The following EIF3D variants were observed in gnomAD, a reference collection of about 807,000 sequenced individuals.
EIF3D encodes the protein eIF3 p66.
Under a neutral mutation model 75.4 loss-of-function variants are expected in EIF3D, and 10 were observed. The ratio of observed to expected loss-of-function variants is 0.13; its 90% CI spans 0.08 to 0.22. The LOEUF is 0.22. EIF3D is among the 10% of genes least tolerant of loss of function. EIF3D has a pLI of 1.00. For missense variants in EIF3D, 394 were observed against 708.0 expected (o/e 0.56, Z 5.03); for synonymous variants, 246 against 248.3 (o/e 0.99, Z 0.09).
chr22:36,524,021 A>G (rs370073245), intron 4 of EIF3D, 41 bp from the exon 5 acceptor site: 2 of 1,605,928 alleles, frequency 1.2e-6, no homozygotes, highest in Non-Finnish European at 1.7e-6. Flanking sequence ...AATCTTGGAG[A>G]TTTGGCTCAC....
At position 36,524,871 on chromosome 22, in the gene EIF3D, C is replaced by T. The variant is rs533570072; in HGVS notation, c.170-139G>A. 1.0e-3 allele frequency: 1,040 copies of T among 1,020,786 alleles called. 10 individuals are homozygous for T. The South Asian group carries it at 0.011, about 11-fold the overall frequency. 63.2% of individuals were successfully genotyped at this position (1,020,786 alleles called of 1,614,324 possible). ...AAAGCTTGTTAGACACACAGACTCA[C>T]AGTCCCACCCCATACCCACTGAATC... On this transcript the variant is annotated intron_variant, in intron 3 of 14. Transcript: ENST00000216190.
intron 12 of EIF3D, 117 bp from the exon 13 acceptor site, chr22:36,512,719 G>C: frequency 1.7e-6 from 2 of 1,172,210 alleles, no homozygotes; most frequent in Non-Finnish European, 2.4e-6. Flanking sequence ...GGGTAGGTAC[G>C]CACTAAATCT....
At chr22:36,527,946 A>G (rs1281258472) in intron 1 of EIF3D, among the ~76,000 whole-genome samples, 2 of 152,274 alleles carry the variant, frequency 1.3e-5, no homozygotes, top group African/African-American at 4.8e-5. Context: ...GGTGACAGCA[A>G]CACAGGATGA....
chr22:36,518,342 A>G (rs1232632639), intron 9 of EIF3D, among the ~76,000 whole-genome samples: 1 of 151,454 alleles, frequency 6.6e-6, no homozygotes, highest in Non-Finnish European at 1.5e-5. Context: ...TATAGAAAGT[A>G]GCCAGGCGTA....
rs773353912 is a variant in EIF3D, at chr22:36,516,523, T to C, written c.1161A>G (p.Glu387=). 2 of 1,614,216 alleles carry C rather than the reference T, an allele frequency of 1.2e-6. No individual in the cohort carries two copies. The highest frequency in any genetic ancestry group is 1.7e-6 in the Non-Finnish European group (2 of 1,180,024). ...GTGTCTTGATGTTGATGAAGGACAC[T>C]TCCCCGTTGGCTCCAGTCATGACGC... ...HDGVMTGANG[E]VSFINIKTLN... Residue 387 remains glutamate (E), a synonymous_variant, in exon 12 of 15, where the codon GAA becomes GAG. Coordinates refer to ENST00000216190, the MANE Select transcript of EIF3D (RefSeq NM_003753.4).
At chr22:36,525,238 A>AATTTTTT (rs1569001775) in intron 3 of EIF3D, among the ~76,000 whole-genome samples, 3 of 117,608 alleles carry the variant, frequency 2.6e-5, no homozygotes, top group African/African-American at 3.2e-5. Context: ...CAGGGGTTTT[A>AATTTTTT]CTTTTTTTTT....
In EIF3D at chr22:36,511,641, T is replaced by G; in HGVS notation, c.1495A>C (p.Met499Leu). ...AGGTATTTGCCCTCCTCCAGCTTCATGCAGATGTCAATGACGCAGCGTAAA... is the reference window on the plus strand; with the variant it reads ...AGGTATTTGCCCTCCTCCAGCTTCAGGCAGATGTCAATGACGCAGCGTAAA... ...GILRCVIDICMKLEEGKYLIL... is the reference protein window; with the variant it reads ...GILRCVIDICLKLEEGKYLIL... The change falls in exon 14 of 15, where the codon ATG (methionine) becomes CTG (leucine). Residue 499 changes from methionine to leucine, a missense_variant. Transcript: ENST00000216190. The G allele has an allele frequency of 6.2e-7, 1 of 1,614,164 alleles. No individual in the cohort carries two copies. Among genetic ancestry groups the G allele is most frequent in the African/African-American group, 1.3e-5 (1 of 75,044 alleles).
intron 12 of EIF3D, 28 bp from the exon 13 acceptor site, chr22:36,512,630 G>T: frequency 6.3e-7 from 1 of 1,598,880 alleles, no homozygotes; most frequent in Non-Finnish European, 8.6e-7. Flanking sequence ...TAGAGAAACA[G>T]AAGCAAGCTC....
chr22:36,511,019 G>GT lies in EIF3D; in HGVS notation c.1634-20dup. 1 of 1,606,618 alleles carries GT rather than the reference G, an allele frequency of 6.2e-7. No individual in the cohort carries two copies. ...TCTTCCTCTGAAAGACACAAAAAAT[G>GT]TAAGAGAAATGAGCCAGGTTGTGTG... is the stretch of plus-strand genomic sequence containing the variant. On this transcript the variant is annotated intron_variant, in intron 14 of 14. Coordinates refer to ENST00000216190, the MANE Select transcript of EIF3D (RefSeq NM_003753.4).
At position 36,511,914 on chromosome 22, in the gene EIF3D, G is replaced by T. The variant is rs1053746228; in HGVS notation, c.1350-128C>A. 6.2e-6 allele frequency: 8 copies of T among 1,294,308 alleles called. No homozygotes were observed. The South Asian group carries it at 9.4e-5, about 15-fold the overall frequency. The allele number at this position is 1,294,308 out of a possible 1,614,324, so 80.2% of individuals were successfully genotyped here. ...TTTTTCTTTTTTTTTTTTTTGAGACGGAGTCTGGCTCTGTTGCCCAGGCTG... is the reference window on the plus strand; with the variant it reads ...TTTTTCTTTTTTTTTTTTTTGAGACTGAGTCTGGCTCTGTTGCCCAGGCTG... On this transcript the variant is annotated intron_variant, in intron 13 of 14. Transcript: ENST00000216190.
Position 36,511,209 on chromosome 22 carries a change from G to A in EIF3D, c.1634-209C>T, listed in dbSNP as rs369207881. On this transcript the variant is annotated intron_variant, in intron 14 of 14. Coordinates refer to ENST00000216190, the MANE Select transcript of EIF3D (RefSeq NM_003753.4). Reference sequence around the variant, plus strand: ...AGACAACTTTCAGGCTATTTAACCCGGAGCGGAGCTTTTCCCTCTAGACCA... The same window carrying A: ...AGACAACTTTCAGGCTATTTAACCCAGAGCGGAGCTTTTCCCTCTAGACCA... 1.1e-3 allele frequency: 924 copies of A among 807,844 alleles called. 12 individuals are homozygous for A. The South Asian group carries it at 0.016, about 14-fold the overall frequency. The allele number at this position is 807,844 out of a possible 1,614,324, so 50.0% of individuals were successfully genotyped here.
chr22:36,525,244 T>C (rs930037000), intron 3 of EIF3D, among the ~76,000 whole-genome samples: 3 of 145,598 alleles, frequency 2.1e-5, no homozygotes, highest in Non-Finnish European at 4.5e-5. Flanking sequence ...TTTTACTTTT[T>C]TTTTTTTTTT....
Position 36,517,435 on chromosome 22 carries a change from C to T in EIF3D, c.860-4G>A. 6.2e-7 allele frequency: 1 copy of T among 1,606,730 alleles called. No homozygotes were observed. Among genetic ancestry groups the T allele is most frequent in the Non-Finnish European group, 8.5e-7 (1 of 1,176,944 alleles). On this transcript the variant is annotated splice_region_variant and splice_polypyrimidine_tract_variant and intron_variant, in intron 9 of 14. Coordinates refer to ENST00000216190, the MANE Select transcript of EIF3D (RefSeq NM_003753.4). ...GTCTCACTCACTGTCAGGAGGTCTG[C>T]AAAAGCGTGGCATGGTCACTCACCA...
At chr22:36,514,987 C>G (rs1027244724) in intron 12 of EIF3D, among the ~76,000 whole-genome samples, 3 of 150,468 alleles carry the variant, frequency 2.0e-5, no homozygotes, top group Non-Finnish European at 2.9e-5. Flanking sequence ...AACCTCCCCC[C>G]TCTCTTTCTC....
intron 8 of EIF3D, among the ~76,000 whole-genome samples, 195 bp from the exon 9 acceptor site, chr22:36,519,105 T>G (rs1934472088): frequency 6.6e-6 from 1 of 152,216 alleles, no homozygotes; most frequent in South Asian, 2.1e-4. Flanking sequence ...CCTAAGCACC[T>G]GCTAGATTCC....
At chr22:36,513,366 G>A (rs1258735845) in intron 12 of EIF3D, among the ~76,000 whole-genome samples, 5 of 151,630 alleles carry the variant, frequency 3.3e-5, no homozygotes, top group Non-Finnish European at 7.4e-5. Context: ...GCAGTGGCAC[G>A]ATCTTGGCTC....
At chr22:36,518,709 G>A (rs1453165778) in intron 9 of EIF3D, 54 bp downstream of exon 9, 3 of 1,603,684 alleles carry the variant, frequency 1.9e-6, no homozygotes, top group Admixed American at 1.7e-5. Context: ...GACTTGTTCT[G>A]TACCAACAAA....
Position 36,510,984 on chromosome 22 carries a change from G to C in EIF3D, c.*3C>G. ...GGACAAACTCCAGCTCCACATCACTGGTTTAAGTTTCTTCCTCTGAAAGAC... is the reference window on the plus strand; with the variant it reads ...GGACAAACTCCAGCTCCACATCACTCGTTTAAGTTTCTTCCTCTGAAAGAC... On this transcript the variant is annotated 3_prime_UTR_variant, in exon 15 of 15. Coordinates refer to ENST00000216190, the MANE Select transcript of EIF3D (RefSeq NM_003753.4). The C allele has an allele frequency of 6.2e-7, 1 of 1,607,980 alleles. No homozygotes were observed. Among genetic ancestry groups the C allele is most frequent in the South Asian group, 1.1e-5 (1 of 90,262 alleles).
At chr22:36,525,238 ACTT>A (rs1934578256) in intron 3 of EIF3D, among the ~76,000 whole-genome samples, 2 of 117,608 alleles carry the variant, frequency 1.7e-5, no homozygotes, top group African/African-American at 3.2e-5. Flanking sequence ...CAGGGGTTTT[ACTT>A]TTTTTTTTTT....
Sources: gnomAD v4.1 joint callset for allele counts (sites outside exome capture counted in the v4.1 genomes callset) on GRCh38, gnomAD v4.1.1 for gene constraint, MANE v1.5 for transcripts, NCBI Gene and HGNC (gene_info 2026-07-23, HGNC 2026-07-21) for gene names.